LEF1: variants seen among roughly 807,000 people sequenced by gnomAD.
LEF1 encodes lymphoid enhancer-binding factor 1.
A neutral mutation model predicts 51.2 loss-of-function variants in LEF1; 14 were observed. That is an observed-to-expected ratio of 0.27 (90% CI 0.18 to 0.43). The LOEUF (loss-of-function observed/expected upper bound fraction) is 0.43, where lower values mean the gene tolerates loss of function less well. LEF1 is among the 20% of genes least tolerant of loss of function. The pLI, the probability that LEF1 is intolerant of heterozygous loss-of-function variation, is 1.00. For synonymous variants in LEF1, 185 were observed against 183.2 expected (o/e 1.01, Z -0.08); for missense variants, 386 against 512.0 (o/e 0.75, Z 2.37).
chr4:108,121,047 C>T (rs1742146578), intron 3 of LEF1, among the ~76,000 whole-genome samples: 1 of 152,180 alleles, frequency 6.6e-6, no homozygotes, highest in South Asian at 2.1e-4. Context: ...TGGCACTTTG[C>T]CACATTGTAA....
intron 3 of LEF1, among the ~76,000 whole-genome samples, chr4:108,090,033 T>A (rs1262398273): frequency 1.3e-5 from 2 of 151,956 alleles, no homozygotes; most frequent in African/African-American, 4.8e-5. Context: ...CAGGCTGGAG[T>A]GCAGTGGTGT....
At position 108,117,591 on chromosome 4, in the gene LEF1, G is replaced by A. The variant is rs375884755; in HGVS notation, c.415-28334C>T. On this transcript the variant is annotated intron_variant, in intron 3 of 11. Transcript: ENST00000265165. Reference sequence around the variant, plus strand: ...TGAGCTACAGCTTCTGCAGTACAAGGTTCTGTAAGGGCAGCTCTTGCAGCC... The same window carrying A: ...TGAGCTACAGCTTCTGCAGTACAAGATTCTGTAAGGGCAGCTCTTGCAGCC... Among the ~76,000 whole-genome samples the A allele has an allele frequency of 7.2e-5, 11 of 152,364 alleles. No individual in the cohort carries two copies. In the East Asian group the frequency reaches 2.1e-3, roughly 29 times the overall value.
Position 108,156,377 on chromosome 4 carries a change from A to G in LEF1, c.414+7191T>C, listed in dbSNP as rs17038693. Among the ~76,000 whole-genome samples the G allele has an allele frequency of 8.7e-3, 1,324 of 152,296 alleles. 19 individuals are homozygous for G. Among genetic ancestry groups the G allele is most frequent in the African/African-American group, 0.029 (1,208 of 41,548 alleles). On this transcript the variant is annotated intron_variant, in intron 3 of 11. Coordinates refer to ENST00000265165, the MANE Select transcript of LEF1 (RefSeq NM_016269.5). ...ACACTGGTCTAATGCTACTTTATTCACCAATGCAAAAAATAAGAGAAAAAG... is the reference window on the plus strand; with the variant it reads ...ACACTGGTCTAATGCTACTTTATTCGCCAATGCAAAAAATAAGAGAAAAAG...
chr4:108,112,514 T>C (rs1451786903), intron 3 of LEF1, among the ~76,000 whole-genome samples: 1 of 152,210 alleles, frequency 6.6e-6, no homozygotes, highest in Non-Finnish European at 1.5e-5. Flanking sequence ...GAATCTCAAC[T>C]CTGACACTTA....
intron 3 of LEF1, among the ~76,000 whole-genome samples, chr4:108,118,410 C>T (rs576465401): frequency 2.6e-5 from 4 of 152,226 alleles, no homozygotes; most frequent in African/African-American, 4.8e-5. Context: ...ATTTTGAGTG[C>T]GAAACTTAGG....
At chr4:108,074,412 G>A (rs1738707146) in intron 8 of LEF1, among the ~76,000 whole-genome samples, 1 of 152,104 alleles carries the variant, frequency 6.6e-6, no homozygotes, top group Admixed American at 6.5e-5. Flanking sequence ...AAGGTCTGAA[G>A]AGAAAAGGCT....
chr4:108,166,703 T>G, intron 1 of LEF1: 1 of 994,388 alleles, frequency 1.0e-6, no homozygotes, highest in Non-Finnish European at 1.2e-6. Context: ...TAAAGCGCCT[T>G]CCACCCTGCA....
intron 3 of LEF1, among the ~76,000 whole-genome samples, chr4:108,107,718 A>G (rs1327747702): frequency 6.6e-6 from 1 of 152,154 alleles, no homozygotes; most frequent in Non-Finnish European, 1.5e-5. Context: ...GAAGGACAGT[A>G]AAATAGGATG....
At chr4:108,154,443 C>CAAAAAAAAAAAAAAAAAAAAAAAAAA (rs10672899) in intron 3 of LEF1, among the ~76,000 whole-genome samples, 1 of 71,990 alleles carries the variant, frequency 1.4e-5, no homozygotes. Context: ...AAGGTAGTAG[C>CAAAAAAAAAAAAAAAAAAAAAAAAAA]AAAAAAAAAA....
intron 3 of LEF1, among the ~76,000 whole-genome samples, chr4:108,090,368 A>G (rs1739938491): frequency 6.6e-6 from 1 of 152,138 alleles, no homozygotes; most frequent in Non-Finnish European, 1.5e-5. Flanking sequence ...ACATTTTATT[A>G]TTTAATTTGG....
In LEF1 at chr4:108,157,175, T is replaced by TACACAC. The variant is rs1425931310; in HGVS notation, c.414+6392_414+6393insGTGTGT. On this transcript the variant is annotated intron_variant, in intron 3 of 11. Transcript: ENST00000265165. The stretch of plus-strand genomic sequence containing the variant: ...CTCTCTCTCTCTCTCTCTCTATATA[T>TACACAC]ATATACACACACACACACACACACA... Among the ~76,000 whole-genome samples, 409 of 57,456 alleles carry TACACAC rather than the reference T, an allele frequency of 7.1e-3. 2 individuals are homozygous for TACACAC. The highest frequency in any genetic ancestry group is 0.023 in the Middle Eastern group (2 of 86). The allele number at this position is 57,456 out of a possible 152,430, so 37.7% of individuals were successfully genotyped here.
intron 3 of LEF1, among the ~76,000 whole-genome samples, chr4:108,126,836 A>G (rs1207634338): frequency 6.7e-6 from 1 of 149,218 alleles, no homozygotes; most frequent in Non-Finnish European, 1.5e-5. Context: ...AATAGGTGGA[A>G]AATGTCATTC....
Position 108,092,917 on chromosome 4 carries a change from T to TAAAAAAAAAAAAAAAA in LEF1, c.415-3676_415-3661dup, listed in dbSNP as rs71592104. On this transcript the variant is annotated intron_variant, in intron 3 of 11. Coordinates refer to ENST00000265165, the MANE Select transcript of LEF1 (RefSeq NM_016269.5). ...GTGGGTATTGGAAACAATGAATATG[T>TAAAAAAAAAAAAAAAA]AAAAAAAAAAAAAAAAAAAAAAAAA... Among the ~76,000 whole-genome samples, 13 of 31,144 alleles carry TAAAAAAAAAAAAAAAA rather than the reference T, an allele frequency of 4.2e-4. 1 individual carries two copies. Among genetic ancestry groups the TAAAAAAAAAAAAAAAA allele is most frequent in the South Asian group, 1.4e-3 (1 of 738 alleles). 20.4% of individuals were successfully genotyped at this position (31,144 alleles called of 152,430 possible).
intron 3 of LEF1, among the ~76,000 whole-genome samples, chr4:108,145,378 A>G (rs7656283): frequency 0.048 from 7,246 of 152,320 alleles, 561 homozygotes; most frequent in African/African-American, 0.16. Flanking sequence ...GAAGCTGACC[A>G]AAATAACGAG....
intron 3 of LEF1, among the ~76,000 whole-genome samples, chr4:108,128,481 A>G (rs1176723931): frequency 6.6e-6 from 1 of 151,886 alleles, no homozygotes; most frequent in East Asian, 1.9e-4. Context: ...TAAAATTCTC[A>G]AGGGAAAAAA....
intron 7 of LEF1, 106 bp from the exon 8 acceptor site, chr4:108,078,488 G>A: frequency 7.0e-7 from 1 of 1,436,230 alleles, no homozygotes; most frequent in Non-Finnish European, 9.8e-7. Flanking sequence ...CACTCAGGAT[G>A]GCGACAACCC....
chr4:108,114,644 A>G (rs962495277), intron 3 of LEF1, among the ~76,000 whole-genome samples: 1 of 152,222 alleles, frequency 6.6e-6, no homozygotes, highest in Non-Finnish European at 1.5e-5. Context: ...AGCTAAAGAT[A>G]TGGGACTTAA....
At chr4:108,076,056 G>A (rs1738836134) in intron 8 of LEF1, among the ~76,000 whole-genome samples, 1 of 152,080 alleles carries the variant, frequency 6.6e-6, no homozygotes, top group South Asian at 2.1e-4. Context: ...TGTTTCAGAG[G>A]CGGCACACAC....
chr4:108,091,446 G>A (rs373043776), intron 3 of LEF1, among the ~76,000 whole-genome samples: 2 of 16,328 alleles, frequency 1.2e-4, no homozygotes, highest in Non-Finnish European at 2.7e-4. Context: ...AGAAACTTAC[G>A]GGGGGGGGAA....
Sources: allele counts gnomAD v4.1 joint callset (sites outside exome capture counted in the v4.1 genomes callset), GRCh38; gene constraint gnomAD v4.1.1; transcripts MANE v1.5; gene names NCBI Gene and HGNC (gene_info 2026-07-23, HGNC 2026-07-21).